CPAMD8: variants seen among roughly 807,000 people sequenced by gnomAD.
CPAMD8 encodes C3 and PZP-like alpha-2-macroglobulin domain-containing protein 8.
Under a neutral mutation model 224.7 loss-of-function variants are expected in CPAMD8, and 146 were observed. The observed-to-expected ratio is 0.65, with a 90% CI of 0.57 to 0.75. CPAMD8 has a LOEUF of 0.75. CPAMD8 is among the 30% of genes least tolerant of loss of function. The pLI, the probability that CPAMD8 is intolerant of heterozygous loss-of-function variation, is 0.00. For synonymous variants in CPAMD8, 966 were observed against 1,044.6 expected (o/e 0.92, Z 1.45); for missense variants, 2,301 against 2,537.5 (o/e 0.91, Z 2.00).
intron 30 of CPAMD8, among the ~76,000 whole-genome samples, chr19:16,905,569 G>GAAAAAAAAAAAAAAAAAGAAAAAAAA (rs2052443843): frequency 1.1e-5 from 1 of 92,702 alleles, no homozygotes; most frequent in African/African-American, 4.0e-5. Context: ...AGGAAGAAAA[G>GAAAAAAAAAAAAAAAAAGAAAAAAAA]AAAAAAAAAA....
Position 16,896,590 on chromosome 19 carries a change from T to G in CPAMD8, c.5141A>C (p.His1714Pro). 1 of 1,511,658 alleles carries G rather than the reference T, an allele frequency of 6.6e-7. No individual in the cohort carries two copies. The highest frequency in any genetic ancestry group is 8.8e-7 in the Non-Finnish European group (1 of 1,136,306). 93.6% of individuals were successfully genotyped at this position (1,511,658 alleles called of 1,614,324 possible). The change falls in exon 40 of 42, where the codon CAC becomes CCC. Residue 1714 changes from histidine (H) to proline (P), a missense_variant. Physicochemically the swap from His to Pro is moderately conservative, Grantham distance 77. Around this residue, in one of 4 missense-constraint regions of CPAMD8, gnomAD observed 1,709 missense variants for 1,753.2 expected, o/e 0.97. Coordinates refer to ENST00000443236, the MANE Select transcript of CPAMD8 (RefSeq NM_015692.5). ...CGGGTTCCCCTGGGCGCCGCAGTCG[T>G]GGTCGCAGCCGCATCGCGCGATCGC... The part of the protein sequence containing the change: ...GAAIARCGCD[H>P]DCGAQGNPVC...
chr19:16,959,584 A>C (rs113049870), intron 18 of CPAMD8, among the ~76,000 whole-genome samples: 4,591 of 149,480 alleles, frequency 0.031, 105 homozygotes, highest in Middle Eastern at 0.065. Flanking sequence ...TCTGTTGCCC[A>C]GACTGGAGTG....
At chr19:16,950,249 G>A (rs2054255752) in intron 20 of CPAMD8, among the ~76,000 whole-genome samples, 1 of 152,092 alleles carries the variant, frequency 6.6e-6, no homozygotes, top group Non-Finnish European at 1.5e-5. Flanking sequence ...AGTGAGCCAA[G>A]ATCACGCCAC....
At chr19:16,941,741 G>A (rs1054778894) in intron 22 of CPAMD8, among the ~76,000 whole-genome samples, 4 of 152,098 alleles carry the variant, frequency 2.6e-5, no homozygotes, top group Non-Finnish European at 4.4e-5. Context: ...TTGGGAGGCC[G>A]AGGTGAGTGG....
chr19:17,009,395 C>A, intron 5 of CPAMD8, 75 bp from the exon 6 acceptor site: 1 of 1,610,850 alleles, frequency 6.2e-7, no homozygotes, highest in South Asian at 1.1e-5. Context: ...TCATGCATGG[C>A]CTCGGTCCCC....
At position 16,898,144 on chromosome 19, in the gene CPAMD8, CTT is replaced by C. The variant is rs35096930; in HGVS notation, c.4849-152_4849-151del. 5.7e-3 allele frequency: 2,936 copies of C among 518,130 alleles called. No homozygotes were observed. Among genetic ancestry groups the C allele is most frequent in the East Asian group, 0.01 (305 of 29,262 alleles). 32.1% of individuals were successfully genotyped at this position (518,130 alleles called of 1,614,324 possible). On this transcript the variant is annotated intron_variant, in intron 37 of 41. Transcript: ENST00000443236. The surrounding 1 kb of genome is among the most constrained non-coding windows in gnomAD (Gnocchi z 4.2). ...CATTTTCTTTTTTTCTTTTACTTTT[CTT>C]TTTTTTTTTTTTTCCTGAGACAGAG...
chr19:17,023,841 CA>C (rs1404314587), intron 1 of CPAMD8, among the ~76,000 whole-genome samples: 9 of 152,144 alleles, frequency 5.9e-5, no homozygotes, highest in Non-Finnish European at 1.3e-4. Flanking sequence ...CTTGGCCTCC[CA>C]AAGTGCTGGG....
At chr19:16,936,785 T>G (rs903953331) in intron 23 of CPAMD8, among the ~76,000 whole-genome samples, 1 of 152,194 alleles carries the variant, frequency 6.6e-6, no homozygotes, top group African/African-American at 2.4e-5. Flanking sequence ...AAACCAGTAA[T>G]TTGATAAGGT....
chr19:16,893,882 G>T (rs988968302), intron 41 of CPAMD8: 5 of 160,998 alleles, frequency 3.1e-5, no homozygotes, highest in Non-Finnish European at 6.9e-5. Flanking sequence ...GACAGTCTTA[G>T]GGCAATTTGG....
Position 17,005,179 on chromosome 19 carries a change from C to A in CPAMD8, c.560-793G>T, listed in dbSNP as rs571734787. Among the ~76,000 whole-genome samples the A allele has an allele frequency of 4.0e-5, 6 of 151,464 alleles. No individual in the cohort carries two copies. The South Asian group carries it at 1.0e-3, about 26-fold the overall frequency. Reference sequence around the variant, plus strand: ...CTACAATATAACAACCTAAAAAAGTCCCCCAGACATTGCCAATATCGCCCC... The same window carrying A: ...CTACAATATAACAACCTAAAAAAGTACCCCAGACATTGCCAATATCGCCCC... On this transcript the variant is annotated intron_variant, in intron 7 of 41. Transcript: ENST00000443236.
intron 32 of CPAMD8, 24 bp downstream of exon 32, chr19:16,904,202 T>A: frequency 3.0e-6 from 1 of 335,318 alleles, no homozygotes; most frequent in Non-Finnish European, 4.5e-6. Context: ...CCTGAGCCCC[T>A]CCCTCTGGCC....
chr19:16,977,651 T>A, intron 14 of CPAMD8, 111 bp from the exon 15 acceptor site: 1 of 720,872 alleles, frequency 1.4e-6, no homozygotes, highest in Non-Finnish European at 2.2e-6. Context: ...TGTCTACGCA[T>A]TGAGACAGTC....
intron 3 of CPAMD8, among the ~76,000 whole-genome samples, chr19:17,014,063 T>TCTTTC (rs1416163115): frequency 2.0e-5 from 3 of 148,948 alleles, no homozygotes; most frequent in Non-Finnish European, 4.5e-5. Context: ...TTCTTTCTTT[T>TCTTTC]GTTTTTAGAG....
chr19:16,916,440 C>T (rs1044802224), intron 27 of CPAMD8, among the ~76,000 whole-genome samples: 18 of 151,868 alleles, frequency 1.2e-4, no homozygotes, highest in South Asian at 8.4e-4. Context: ...TTAGTAGAGA[C>T]GGGGTTTCAC....
chr19:16,933,257 A>G (rs897053143), intron 23 of CPAMD8, among the ~76,000 whole-genome samples: 1 of 152,206 alleles, frequency 6.6e-6, no homozygotes, highest in Non-Finnish European at 1.5e-5. Flanking sequence ...TTGAGAAAAA[A>G]AAAACAGGGT....
intron 5 of CPAMD8, 152 bp downstream of exon 5, chr19:17,011,312 C>T (rs1259020379): frequency 7.0e-6 from 6 of 851,566 alleles, no homozygotes; most frequent in South Asian, 1.7e-5. Context: ...TCACAAAGAA[C>T]TCCCTGGGGT....
intron 19 of CPAMD8, among the ~76,000 whole-genome samples, chr19:16,954,264 C>T (rs1043870420): frequency 1.5e-4 from 22 of 149,166 alleles, no homozygotes; most frequent in Admixed American, 9.5e-4. Context: ...ACCTGGGAGG[C>T]GGAGGGTGCA....
intron 14 of CPAMD8, among the ~76,000 whole-genome samples, chr19:16,979,129 CATCT>C (rs2055393849): frequency 6.6e-6 from 1 of 151,648 alleles, no homozygotes; most frequent in South Asian, 2.1e-4. Context: ...TCCAACCATC[CATCT>C]ATTCATCCAT....
At chr19:16,958,036 G>A in intron 18 of CPAMD8, 121 bp from the exon 19 acceptor site, 1 of 852,436 alleles carries the variant, frequency 1.2e-6, no homozygotes, top group Non-Finnish European at 1.9e-6. Context: ...ACCTGGAAGG[G>A]TTAACATTGT....
Sources: gnomAD v4.1 joint callset for allele counts (sites outside exome capture counted in the v4.1 genomes callset) on GRCh38, gnomAD v4.1.1 for gene constraint, gnomAD v4.1.1 regional missense constraint, Gnocchi (gnomAD v3.1) non-coding constraint, MANE v1.5 for transcripts, NCBI Gene and HGNC (gene_info 2026-07-23, HGNC 2026-07-21) for gene names.